Variants in ABCA10 observed in about 807,000 individuals in gnomAD.
ABCA10 encodes the protein ATP binding cassette subfamily A member 10.
Under a neutral mutation model 187.5 loss-of-function variants are expected in ABCA10, and 169 were observed. The ratio of observed to expected loss-of-function variants is 0.90; its 90% CI spans 0.80 to 1.02. The LOEUF (loss-of-function observed/expected upper bound fraction) is 1.02, where lower values mean the gene tolerates loss of function less well. Ranked by LOEUF, ABCA10 falls within the 50% of genes least tolerant of loss-of-function variation. The pLI is 0.00. For missense variants in ABCA10, 1,727 were observed against 1,812.4 expected (o/e 0.95, Z 0.86); for synonymous variants, 574 against 601.8 (o/e 0.95, Z 0.68).
intron 9 of ABCA10, among the ~76,000 whole-genome samples, chr17:69,206,058 T>C (rs1425602958): frequency 6.6e-6 from 1 of 152,154 alleles, no homozygotes; most frequent in Non-Finnish European, 1.5e-5. Context: ...ACTGTTATAA[T>C]TGAGCTTCAT....
chr17:69,225,406 C>A lies in ABCA10; in HGVS notation c.-48G>T. On this transcript the variant is annotated 5_prime_UTR_variant, in exon 3 of 39. Transcript: ENST00000690296. ...ACTGGTGTATATGCCACTACCAGGCCAGAGTCATTAAACTGATCCACGCTT... is the reference window on the plus strand; with the variant it reads ...ACTGGTGTATATGCCACTACCAGGCAAGAGTCATTAAACTGATCCACGCTT... The A allele has an allele frequency of 6.2e-7, 1 of 1,601,250 alleles. No homozygotes were observed. The highest frequency in any genetic ancestry group is 8.5e-7 in the Non-Finnish European group (1 of 1,169,814).
intron 9 of ABCA10, among the ~76,000 whole-genome samples, chr17:69,203,419 T>C (rs1375338432): frequency 6.6e-6 from 1 of 152,230 alleles, no homozygotes; most frequent in Non-Finnish European, 1.5e-5. Context: ...TTGCCTGTCC[T>C]GGTCAGTGCC....
intron 30 of ABCA10, 143 bp downstream of exon 30, chr17:69,154,876 C>T: frequency 1.8e-6 from 1 of 558,618 alleles, no homozygotes; most frequent in Non-Finnish European, 3.1e-6. Context: ...GACTTATCTG[C>T]TGACATGTGA....
At chr17:69,185,148 A>G (rs2074411537) in intron 20 of ABCA10, among the ~76,000 whole-genome samples, 1 of 152,016 alleles carries the variant, frequency 6.6e-6, no homozygotes, top group African/African-American at 2.4e-5. Flanking sequence ...AGGACTTGGG[A>G]AAGGGTGGGA....
Position 69,192,653 on chromosome 17 carries a change from T to C in ABCA10, c.1781A>G (p.Asp594Gly). Reference protein sequence around the residue: ...QFMDEADILADRKVFLSNGKL... With the variant: ...QFMDEADILAGRKVFLSNGKL... The stretch of plus-strand genomic sequence containing the variant: ...CCCATTAGACAGAAATACTTTCCTA[T>C]CTGAGTAGAAAGGAAGATTCAAAAA... The change falls in exon 16 of 39, where the codon GAT becomes GGT. Residue 594 changes from aspartate to glycine, a missense_variant and splice_region_variant. Coordinates refer to ENST00000690296, the MANE Select transcript of ABCA10 (RefSeq NM_001377321.1). 6.2e-7 allele frequency: 1 copy of C among 1,611,324 alleles called. No homozygotes were observed. The highest frequency in any genetic ancestry group is 8.5e-7 in the Non-Finnish European group (1 of 1,178,596).
In ABCA10 at chr17:69,210,170, C is replaced by CTTTT. The variant is rs1160992125; in HGVS notation, c.1006+4530_1006+4533dup. Among the ~76,000 whole-genome samples the CTTTT allele has an allele frequency of 3.4e-3, 240 of 70,882 alleles. 10 individuals carry two copies. The highest frequency in any genetic ancestry group is 4.3e-3 in the Non-Finnish European group (165 of 37,984). The allele number at this position is 70,882 out of a possible 152,430, so 46.5% of individuals were successfully genotyped here. On this transcript the variant is annotated intron_variant, in intron 9 of 38. Coordinates refer to ENST00000690296, the MANE Select transcript of ABCA10 (RefSeq NM_001377321.1). The stretch of plus-strand genomic sequence containing the variant: ...TGGGTAAATTATTTAGTGGTTATTT[C>CTTTT]TTTTTTTTTTTTTTTTTTTTTTTTT...
chr17:69,153,218 A>C (rs2074143556), intron 34 of ABCA10, 87 bp downstream of exon 34: 2 of 1,489,382 alleles, frequency 1.3e-6, no homozygotes, highest in South Asian at 2.8e-5. Flanking sequence ...ATGGAGCAAA[A>C]TGTAACAAAG....
At chr17:69,174,887 G>T in intron 23 of ABCA10, 110 bp from the exon 24 acceptor site, 2 of 948,352 alleles carry the variant, frequency 2.1e-6, no homozygotes, top group Non-Finnish European at 2.9e-6. Flanking sequence ...TATAGTGTCT[G>T]TGTGACAAAA....
At chr17:69,217,870 C>A (rs2074718083) in intron 6 of ABCA10, among the ~76,000 whole-genome samples, 1 of 152,014 alleles carries the variant, frequency 6.6e-6, no homozygotes. Flanking sequence ...AATCTATTTT[C>A]CTTGTCTTTG....
chr17:69,197,254 TAAAA>T, intron 10 of ABCA10, 132 bp from the exon 11 acceptor site: 4 of 640,516 alleles, frequency 6.2e-6, no homozygotes, highest in Non-Finnish European at 1.1e-5. Flanking sequence ...AGGGCAGTAA[TAAAA>T]GCCCTCCCCT....
At chr17:69,194,568 G>C in intron 11 of ABCA10, 73 bp from the exon 12 acceptor site, 2 of 965,908 alleles carry the variant, frequency 2.1e-6, no homozygotes, top group Non-Finnish European at 3.1e-6. Flanking sequence ...AATTGGAAAA[G>C]TAAAATATAT....
At chr17:69,164,821 C>T in intron 26 of ABCA10, 143 bp downstream of exon 26, 1 of 1,104,262 alleles carries the variant, frequency 9.1e-7, no homozygotes, top group Non-Finnish European at 1.3e-6. Flanking sequence ...CAATTTTATA[C>T]AGCTTTAAAA....
At chr17:69,196,797 G>A (rs1028461176) in intron 11 of ABCA10, among the ~76,000 whole-genome samples, 4 of 152,304 alleles carry the variant, frequency 2.6e-5, no homozygotes, top group Middle Eastern at 6.8e-3. Context: ...GATCACTCGC[G>A]GTTAGGAGCT....
chr17:69,226,980 A>T (rs898817307), intron 2 of ABCA10, among the ~76,000 whole-genome samples, 165 bp downstream of exon 2: 1 of 151,790 alleles, frequency 6.6e-6, no homozygotes, highest in African/African-American at 2.4e-5. Flanking sequence ...ATTTTGCAAA[A>T]TATATATCGT....
intron 11 of ABCA10, among the ~76,000 whole-genome samples, chr17:69,195,636 T>C (rs1436485559): frequency 1.4e-5 from 2 of 141,058 alleles, no homozygotes; most frequent in East Asian, 2.1e-4. Context: ...CATAGGACAA[T>C]AGTGGAGGGA....
At chr17:69,211,370 C>T (rs760866737) in intron 9 of ABCA10, among the ~76,000 whole-genome samples, 2,138 of 132,788 alleles carry the variant, frequency 0.016, 50 homozygotes, top group Non-Finnish European at 0.024. Flanking sequence ...TACACACACA[C>T]CACATTTTCT....
chr17:69,149,343 C>T (rs1402475211), intron 37 of ABCA10: 1 of 438,636 alleles, frequency 2.3e-6, no homozygotes, highest in East Asian at 3.7e-5. Flanking sequence ...TGATTCTTTA[C>T]ATATATGCTT....
chr17:69,188,560 G>A (rs1432877709), intron 18 of ABCA10, among the ~76,000 whole-genome samples: 1 of 151,082 alleles, frequency 6.6e-6, no homozygotes. Flanking sequence ...GGTAAACTGT[G>A]TGTCATTTAG....
intron 27 of ABCA10, among the ~76,000 whole-genome samples, chr17:69,163,719 T>C (rs1487013575): frequency 1.3e-5 from 2 of 152,190 alleles, no homozygotes; most frequent in Non-Finnish European, 2.9e-5. Flanking sequence ...TCATTTAATC[T>C]TTCTCCTTTC....
Sources: allele counts gnomAD v4.1 joint callset (sites outside exome capture counted in the v4.1 genomes callset), GRCh38; gene constraint gnomAD v4.1.1; transcripts MANE v1.5; gene names NCBI Gene and HGNC (gene_info 2026-07-23, HGNC 2026-07-21).